Variants in ARHGAP26 observed in about 807,000 individuals in gnomAD.
ARHGAP26 encodes Rho GTPase activating protein 26, also known as rho GTPase-activating protein 26.
ARHGAP26 carries 38 observed loss-of-function variants against 104.8 expected under a neutral mutation model. That is an observed-to-expected ratio of 0.36 (90% confidence interval 0.28 to 0.48). ARHGAP26 has a LOEUF of 0.48. ARHGAP26 is among the 20% of genes least tolerant of loss of function. The pLI, the probability that ARHGAP26 is intolerant of heterozygous loss-of-function variation, is 0.99. For missense variants in ARHGAP26, 704 were observed against 947.9 expected (o/e 0.74, Z 3.38); for synonymous variants, 341 against 340.0 (o/e 1.00, Z -0.03).
Position 142,847,591 on chromosome 5 carries a change from A to G in ARHGAP26, c.155-25809A>G, listed in dbSNP as rs1418958067. The stretch of plus-strand genomic sequence containing the variant: ...AGGCTGGTCTCAAACTCCGGACCTC[A>G]GGTGATCCGCCCACCTCGGCCTCCC... On this transcript the variant is annotated intron_variant, in intron 1 of 22. Coordinates refer to ENST00000645722, the MANE Select transcript of ARHGAP26 (RefSeq NM_001135608.3). Among the ~76,000 whole-genome samples, 11 of 152,300 alleles carry G rather than the reference A, an allele frequency of 7.2e-5. 1 individual carries two copies. Among genetic ancestry groups the G allele is most frequent in the African/African-American group, 2.4e-4 (10 of 41,570 alleles).
intron 17 of ARHGAP26, among the ~76,000 whole-genome samples, chr5:143,092,304 C>T (rs982278042): frequency 6.6e-6 from 1 of 151,996 alleles, no homozygotes; most frequent in Non-Finnish European, 1.5e-5. Flanking sequence ...GCTGGGACTA[C>T]AGGCACCCGC....
intron 20 of ARHGAP26, among the ~76,000 whole-genome samples, chr5:143,177,007 C>T: frequency 6.6e-6 from 1 of 152,178 alleles, no homozygotes; most frequent in East Asian, 1.9e-4. Context: ...GGCTCTGGCA[C>T]TCATCTGTCA....
rs77766318 is a variant in ARHGAP26 at position 143,114,808 on chromosome 5, C to T, written c.1539-6180C>T. On this transcript the variant is annotated intron_variant, in intron 17 of 22. Coordinates refer to ENST00000645722, the MANE Select transcript of ARHGAP26 (RefSeq NM_001135608.3). ...AAATGTCCCATGGGATTGACCGTGACGTATCTCTTAGAGGAAAAAGCTTGG... is the reference window on the plus strand; with the variant it reads ...AAATGTCCCATGGGATTGACCGTGATGTATCTCTTAGAGGAAAAAGCTTGG... Among the ~76,000 whole-genome samples, 695 of 152,192 alleles carry T rather than the reference C, an allele frequency of 4.6e-3. 3 individuals are homozygous for T. Among genetic ancestry groups the T allele is most frequent in the Non-Finnish European group, 6.9e-3 (467 of 68,010 alleles).
chr5:142,892,778 T>C (rs528610843), intron 5 of ARHGAP26, among the ~76,000 whole-genome samples: 1 of 152,170 alleles, frequency 6.6e-6, no homozygotes, highest in Non-Finnish European at 1.5e-5. Context: ...TCAAGGTATT[T>C]AGGGTATCAG....
intron 20 of ARHGAP26, among the ~76,000 whole-genome samples, chr5:143,205,644 G>T (rs926995823): frequency 6.6e-6 from 1 of 152,188 alleles, no homozygotes; most frequent in Admixed American, 6.5e-5. Context: ...TACGCTGGCT[G>T]CAGGAGCCCT....
chr5:143,089,905 G>T (rs1791151455), intron 17 of ARHGAP26, among the ~76,000 whole-genome samples: 1 of 152,148 alleles, frequency 6.6e-6, no homozygotes, highest in Non-Finnish European at 1.5e-5. Flanking sequence ...GAAATGCCAG[G>T]GTGAAAGGGA....
chr5:143,126,608 A>C (rs746105652), intron 18 of ARHGAP26, among the ~76,000 whole-genome samples: 1 of 152,214 alleles, frequency 6.6e-6, no homozygotes, highest in Non-Finnish European at 1.5e-5. Context: ...CTTTGCTTGG[A>C]GGTTAGAGAG....
intron 11 of ARHGAP26, among the ~76,000 whole-genome samples, chr5:142,976,079 C>G (rs970650347): frequency 2.0e-5 from 3 of 152,198 alleles, no homozygotes; most frequent in Admixed American, 6.5e-5. Flanking sequence ...AATTCTCACT[C>G]TATCTGGATT....
intron 11 of ARHGAP26, among the ~76,000 whole-genome samples, chr5:142,992,115 A>G (rs13172733): frequency 0.56 from 85,347 of 151,838 alleles, 27,912 homozygotes; most frequent in Non-Finnish European, 0.74. Context: ...TCCTTTTGCA[A>G]TTAGTTTATC....
At chr5:142,862,889 G>A (rs916262287) in intron 1 of ARHGAP26, among the ~76,000 whole-genome samples, 4 of 152,186 alleles carry the variant, frequency 2.6e-5, no homozygotes, top group African/African-American at 7.2e-5. Context: ...CATTTGGGGA[G>A]TATTAGTTGC....
chr5:143,143,195 C>G (rs930551806), intron 19 of ARHGAP26, among the ~76,000 whole-genome samples: 1 of 152,158 alleles, frequency 6.6e-6, no homozygotes, highest in Non-Finnish European at 1.5e-5. Flanking sequence ...TCGTATTTAC[C>G]CTCCAGCTCT....
chr5:142,960,346 T>C (rs1002978441), intron 11 of ARHGAP26, among the ~76,000 whole-genome samples: 1 of 152,260 alleles, frequency 6.6e-6, no homozygotes, highest in Non-Finnish European at 1.5e-5. Flanking sequence ...CTTTCCATAG[T>C]TACCTATTAA....
At chr5:142,966,268 A>G (rs1458796640) in intron 11 of ARHGAP26, among the ~76,000 whole-genome samples, 1 of 152,172 alleles carries the variant, frequency 6.6e-6, no homozygotes, top group East Asian at 1.9e-4. Flanking sequence ...TGTATGGATG[A>G]CTTTTGGCCT....
intron 10 of ARHGAP26, among the ~76,000 whole-genome samples, chr5:142,914,806 C>T (rs1762272841): frequency 6.6e-6 from 1 of 152,188 alleles, no homozygotes; most frequent in South Asian, 2.1e-4. Flanking sequence ...AACCTTGGTG[C>T]TTTAAGCATC....
intron 11 of ARHGAP26, among the ~76,000 whole-genome samples, chr5:142,992,647 T>TC (rs1307032288): frequency 6.6e-6 from 1 of 152,018 alleles, no homozygotes; most frequent in Non-Finnish European, 1.5e-5. Context: ...CAGGATGGTC[T>TC]CGATCTCCTG....
chr5:143,055,277 A>G (rs1598824947), intron 15 of ARHGAP26, among the ~76,000 whole-genome samples: 1 of 152,324 alleles, frequency 6.6e-6, no homozygotes, highest in East Asian at 1.9e-4. Context: ...AATTGGCTGG[A>G]AAGCAAAGGA....
At chr5:142,832,187 C>T (rs10061846) in intron 1 of ARHGAP26, among the ~76,000 whole-genome samples, 2,386 of 152,232 alleles carry the variant, frequency 0.016, 63 homozygotes, top group African/African-American at 0.054. Context: ...ATCTGTTTCC[C>T]TCTAATAAAT....
intron 11 of ARHGAP26, among the ~76,000 whole-genome samples, chr5:142,970,974 G>A (rs1004801657): frequency 1.3e-5 from 2 of 152,144 alleles, no homozygotes; most frequent in Non-Finnish European, 2.9e-5. Flanking sequence ...GTGTGATTGT[G>A]TTAGTTTAAA....
rs1334265427 is a variant in ARHGAP26, at chr5:142,894,286, C to G, written c.535C>G (p.Leu179Val). 6.2e-7 allele frequency: 1 copy of G among 1,614,016 alleles called. No individual in the cohort carries two copies. Among genetic ancestry groups the G allele is most frequent in the Non-Finnish European group, 8.5e-7 (1 of 1,179,952 alleles). The stretch of plus-strand genomic sequence containing the variant: ...CCGGCAGCATTTCTATGAAGTATCC[C>G]TGGAATATGTCTTCAAGGTGCAGGA... The part of the protein sequence containing the change: ...LVRQHFYEVS[L>V]EYVFKVQEVQ... The change falls in exon 6 of 23, where the codon CTG (leucine) becomes GTG (valine). Residue 179 changes from leucine to valine, a missense_variant. Around this residue, in one of 6 missense-constraint regions of ARHGAP26, gnomAD observed 106 missense variants for 120.5 expected, o/e 0.88. Coordinates refer to ENST00000645722, the MANE Select transcript of ARHGAP26 (RefSeq NM_001135608.3).
Sources: allele counts gnomAD v4.1 joint callset (sites outside exome capture counted in the v4.1 genomes callset), GRCh38; gene constraint gnomAD v4.1.1; regional missense constraint gnomAD v4.1.1; transcripts MANE v1.5; gene names NCBI Gene and HGNC (gene_info 2026-07-23, HGNC 2026-07-21).